SVEP1: variants seen among roughly 807,000 people sequenced by gnomAD.
SVEP1 encodes the protein sushi, von Willebrand factor type A, EGF and pentraxin domain containing 1.
SVEP1 carries 164 observed loss-of-function variants against 367.3 expected under a neutral mutation model. The ratio of observed to expected loss-of-function variants is 0.45; its 90% CI spans 0.39 to 0.51. SVEP1 has a LOEUF of 0.51. SVEP1 is among the 20% of genes least tolerant of loss of function. The pLI is 0.00. For synonymous variants in SVEP1, 1,666 were observed against 1,611.6 expected (o/e 1.03, Z -0.81); for missense variants, 4,117 against 4,425.3 (o/e 0.93, Z 1.98).
At chr9:110,431,209 C>T (rs1828344760) in intron 32 of SVEP1, among the ~76,000 whole-genome samples, 1 of 152,088 alleles carries the variant, frequency 6.6e-6, no homozygotes, top group Non-Finnish European at 1.5e-5. Flanking sequence ...CTAATATTAA[C>T]ATACAGAGAA....
chr9:110,470,895 A>T (rs989511493), intron 16 of SVEP1, among the ~76,000 whole-genome samples: 2 of 152,094 alleles, frequency 1.3e-5, no homozygotes, highest in African/African-American at 4.8e-5. Flanking sequence ...TGTCATTTAC[A>T]TTAGGTATAT....
intron 37 of SVEP1, among the ~76,000 whole-genome samples, chr9:110,410,672 T>C (rs151014229): frequency 1.2e-4 from 18 of 152,350 alleles, no homozygotes; most frequent in Admixed American, 1.2e-3. Context: ...TCATCTTCAT[T>C]AATTTTTTTT....
intron 1 of SVEP1, among the ~76,000 whole-genome samples, chr9:110,578,621 T>TA (rs1255842588): frequency 6.6e-6 from 1 of 152,134 alleles, no homozygotes; most frequent in Non-Finnish European, 1.5e-5. Context: ...AACATAACTT[T>TA]AAAAAGAATT....
chr9:110,531,151 A>T (rs1462697694), intron 3 of SVEP1, among the ~76,000 whole-genome samples: 1 of 152,208 alleles, frequency 6.6e-6, no homozygotes, highest in Non-Finnish European at 1.5e-5. Flanking sequence ...ATTGTAGAAT[A>T]GAGTACCCTT....
chr9:110,571,510 G>C (rs1830562427), intron 1 of SVEP1, among the ~76,000 whole-genome samples: 1 of 152,194 alleles, frequency 6.6e-6, no homozygotes, highest in South Asian at 2.1e-4. Flanking sequence ...AGATGATGGA[G>C]CAGAGCTGAA....
In SVEP1 at chr9:110,406,751, C is replaced by T; in HGVS notation, c.8849G>A (p.Gly2950Glu). Residue 2950 changes from glycine to glutamate, a missense_variant, in exon 38 of 48, where the codon GGA (glycine) becomes GAA (glutamate). Coordinates refer to ENST00000374469, the MANE Select transcript of SVEP1 (RefSeq NM_153366.4). ...ACCATGGGCAAGATCTTCAGGAGGTCCACAGTTGACTGGTTTACAGAGAGG... is the reference window on the plus strand; with the variant it reads ...ACCATGGGCAAGATCTTCAGGAGGTTCACAGTTGACTGGTTTACAGAGAGG... Reference protein sequence around the residue: ...EIPLCKPVNCGPPEDLAHGFP... With the variant: ...EIPLCKPVNCEPPEDLAHGFP... 1 of 1,614,002 alleles carries T rather than the reference C, an allele frequency of 6.2e-7. No homozygotes were observed. The highest frequency in any genetic ancestry group is 1.1e-5 in the South Asian group (1 of 91,080).
intron 8 of SVEP1, among the ~76,000 whole-genome samples, chr9:110,492,825 GCAGAAGAAATC>G (rs1036033001): frequency 3.3e-5 from 5 of 152,092 alleles, no homozygotes; most frequent in African/African-American, 1.2e-4. Context: ...TGCTTGCTGG[GCAGAAGAAATC>G]CATAGATTCA....
At chr9:110,505,449 A>G (rs1829610027) in intron 5 of SVEP1, among the ~76,000 whole-genome samples, 1 of 152,154 alleles carries the variant, frequency 6.6e-6, no homozygotes, top group African/African-American at 2.4e-5. Flanking sequence ...TAGAATAACG[A>G]TGGTTTCAGT....
At chr9:110,527,260 T>C (rs1311225917) in intron 3 of SVEP1, among the ~76,000 whole-genome samples, 1 of 152,054 alleles carries the variant, frequency 6.6e-6, no homozygotes, top group African/African-American at 2.4e-5. Flanking sequence ...AAATTGCATG[T>C]GACTCTATAA....
At chr9:110,428,851 G>A (rs1419855703) in intron 35 of SVEP1, among the ~76,000 whole-genome samples, 1 of 152,128 alleles carries the variant, frequency 6.6e-6, no homozygotes, top group Non-Finnish European at 1.5e-5. Context: ...CAGGTGGATT[G>A]CTTGAGCTCA....
chr9:110,374,760 C>T (rs1169691098), intron 46 of SVEP1, among the ~76,000 whole-genome samples: 2 of 152,160 alleles, frequency 1.3e-5, no homozygotes, highest in African/African-American at 4.8e-5. Flanking sequence ...TTGAGGAAAG[C>T]AGTACGGCGA....
intron 39 of SVEP1, 38 bp downstream of exon 39, chr9:110,404,289 T>A: frequency 1.3e-6 from 2 of 1,586,134 alleles, no homozygotes; most frequent in Non-Finnish European, 1.7e-6. Flanking sequence ...TATATGTATA[T>A]GTAGGCATTA....
intron 3 of SVEP1, among the ~76,000 whole-genome samples, chr9:110,527,953 A>G (rs1225347572): frequency 6.6e-6 from 1 of 151,414 alleles, no homozygotes; most frequent in Non-Finnish European, 1.5e-5. Flanking sequence ...GAGAACATGC[A>G]GTATTTGGTT....
chr9:110,404,200 A>T, intron 39 of SVEP1, 127 bp downstream of exon 39: 2 of 908,828 alleles, frequency 2.2e-6, no homozygotes, highest in Non-Finnish European at 3.3e-6. Context: ...GAAACTTTTC[A>T]AATCCTTTGA....
chr9:110,537,336 A>G (rs1420834189), intron 3 of SVEP1, among the ~76,000 whole-genome samples: 1 of 152,032 alleles, frequency 6.6e-6, no homozygotes, highest in African/African-American at 2.4e-5. Flanking sequence ...ACTAATTAAC[A>G]ATGCATCTTA....
chr9:110,538,118 C>G (rs1235008276), intron 3 of SVEP1, among the ~76,000 whole-genome samples: 2 of 151,878 alleles, frequency 1.3e-5, no homozygotes, highest in African/African-American at 2.4e-5. Context: ...ATGCTTCACA[C>G]CAATAGTCTA....
chr9:110,532,222 C>A (rs1369799082), intron 3 of SVEP1, among the ~76,000 whole-genome samples: 1 of 152,092 alleles, frequency 6.6e-6, no homozygotes, highest in Non-Finnish European at 1.5e-5. Flanking sequence ...AATCTTGCCC[C>A]AGAGGAATTC....
chr9:110,515,073 A>C (rs1295570110), intron 3 of SVEP1, among the ~76,000 whole-genome samples: 2 of 152,200 alleles, frequency 1.3e-5, no homozygotes, highest in East Asian at 3.9e-4. Flanking sequence ...CCTTGCTTCA[A>C]ATCTTTCCTC....
chr9:110,462,717 C>G (rs183476408), intron 18 of SVEP1, among the ~76,000 whole-genome samples: 1 of 151,100 alleles, frequency 6.6e-6, no homozygotes, highest in East Asian at 1.9e-4. Flanking sequence ...CTATTGTAGA[C>G]AGAGAGACAG....
Sources: allele counts gnomAD v4.1 joint callset (sites outside exome capture counted in the v4.1 genomes callset), GRCh38; gene constraint gnomAD v4.1.1; transcripts MANE v1.5; gene names NCBI Gene and HGNC (gene_info 2026-07-23, HGNC 2026-07-21).